Variants in ARHGAP26 observed in about 807,000 individuals in gnomAD.
ARHGAP26 encodes the protein Rho GTPase activating protein 26, also known as rho GTPase-activating protein 26.
ARHGAP26 carries 38 observed loss-of-function variants against 104.8 expected under a neutral mutation model. That is an observed-to-expected ratio of 0.36 (90% CI 0.28 to 0.48). ARHGAP26 has a LOEUF of 0.48. Ranked by LOEUF, ARHGAP26 falls within the 20% of genes least tolerant of loss-of-function variation. The pLI is 0.99. For missense variants in ARHGAP26, 704 were observed against 947.9 expected (o/e 0.74, Z 3.38); for synonymous variants, 341 against 340.0 (o/e 1.00, Z -0.03).
chr5:143,152,118 C>T (rs868279714), intron 20 of ARHGAP26, among the ~76,000 whole-genome samples: 20 of 152,094 alleles, frequency 1.3e-4, no homozygotes, highest in African/African-American at 4.3e-4. Context: ...GTATTTTTTT[C>T]GCGGTGAGAC....
chr5:143,014,584 C>T (rs1252403040), intron 12 of ARHGAP26, among the ~76,000 whole-genome samples: 4 of 152,238 alleles, frequency 2.6e-5, no homozygotes, highest in South Asian at 4.1e-4. Context: ...TTTGTGGTCT[C>T]TTGTGGGAGG....
In ARHGAP26 at chr5:142,873,395, G is replaced by T; in HGVS notation, c.155-5G>T. ...TCCTGATTTTTCCTGTCTTTTTCTT[G>T]CTAGATTTGTCTTCAGCGAAGCGGA... On this transcript the variant is annotated splice_polypyrimidine_tract_variant and splice_region_variant and intron_variant, in intron 1 of 22. Transcript: ENST00000645722. 6.3e-7 allele frequency: 1 copy of T among 1,590,082 alleles called. No homozygotes were observed. The highest frequency in any genetic ancestry group is 8.5e-7 in the Non-Finnish European group (1 of 1,172,890).
intron 18 of ARHGAP26, among the ~76,000 whole-genome samples, chr5:143,132,818 TG>T (rs879829983): frequency 6.7e-6 from 1 of 149,868 alleles, no homozygotes; most frequent in Non-Finnish European, 1.5e-5. Context: ...ATTGAATGAA[TG>T]AGCATCAGTA....
chr5:142,965,953 T>C (rs1471034938), intron 11 of ARHGAP26, among the ~76,000 whole-genome samples: 3 of 152,216 alleles, frequency 2.0e-5, no homozygotes, highest in Non-Finnish European at 4.4e-5. Context: ...TAGTTTAATC[T>C]TTAATAGCCG....
At chr5:142,956,881 T>C (rs1027178946) in intron 11 of ARHGAP26, among the ~76,000 whole-genome samples, 1 of 152,100 alleles carries the variant, frequency 6.6e-6, no homozygotes, top group Middle Eastern at 3.2e-3. Flanking sequence ...ACCCATCAGA[T>C]CTCATGAGAC....
intron 11 of ARHGAP26, among the ~76,000 whole-genome samples, chr5:142,948,344 T>C (rs1190699781): frequency 1.3e-5 from 2 of 152,052 alleles, no homozygotes; most frequent in Non-Finnish European, 2.9e-5. Context: ...TATATGAATA[T>C]GTGTGCATAT....
chr5:142,883,922 C>T (rs1211217088), intron 4 of ARHGAP26, among the ~76,000 whole-genome samples: 1 of 152,130 alleles, frequency 6.6e-6, no homozygotes, highest in African/African-American at 2.4e-5. Context: ...TTTCTGGTGC[C>T]TAAAGTAGAG....
chr5:143,150,292 G>A (rs754662241), intron 20 of ARHGAP26, among the ~76,000 whole-genome samples: 6 of 152,188 alleles, frequency 3.9e-5, no homozygotes, highest in Non-Finnish European at 7.3e-5. Flanking sequence ...GGGGTAAACC[G>A]GAATAAGAGG....
intron 17 of ARHGAP26, among the ~76,000 whole-genome samples, chr5:143,079,414 C>G (rs1313454659): frequency 6.6e-6 from 1 of 152,186 alleles, no homozygotes; most frequent in East Asian, 1.9e-4. Flanking sequence ...ATTCTTTGGT[C>G]TTTGTAGTCG....
At chr5:142,890,151 A>ATATATATATATAT (rs1554140735) in intron 5 of ARHGAP26, among the ~76,000 whole-genome samples, 2 of 32,426 alleles carry the variant, frequency 6.2e-5, no homozygotes, top group African/African-American at 1.2e-4. Flanking sequence ...AAAAAAAAAA[A>ATATATATATATAT]ATATATATAT....
At chr5:143,073,097 A>T (rs1678820835) in intron 17 of ARHGAP26, among the ~76,000 whole-genome samples, 2 of 152,230 alleles carry the variant, frequency 1.3e-5, no homozygotes, top group South Asian at 4.1e-4. Flanking sequence ...CTGAAACTTA[A>T]GGCAAACCTT....
intron 5 of ARHGAP26, among the ~76,000 whole-genome samples, chr5:142,887,162 G>A (rs74977124): frequency 1.8e-4 from 28 of 152,142 alleles, no homozygotes; most frequent in Admixed American, 1.7e-3. Flanking sequence ...CATTCTCTCC[G>A]TGGTCAAATA....
At chr5:142,883,570 G>T (rs17099651) in intron 4 of ARHGAP26, among the ~76,000 whole-genome samples, 23,172 of 152,234 alleles carry the variant, frequency 0.15, 3,480 homozygotes, top group East Asian at 0.41. Flanking sequence ...ATGTACCAGA[G>T]GAGTGGTATT....
In ARHGAP26 at chr5:143,147,453, G is replaced by T. The variant is rs575864711; in HGVS notation, c.1988+72G>T. ...CATTCCACCTAGAATTTGCTGTCTG[G>T]CTCCATCTGACTTTGGACCATTATC... On this transcript the variant is annotated intron_variant, in intron 20 of 22. Transcript: ENST00000645722. The T allele has an allele frequency of 7.2e-6, 11 of 1,527,414 alleles. No homozygotes were observed. The African/African-American group carries it at 1.4e-4, about 19-fold the overall frequency. The allele number at this position is 1,527,414 out of a possible 1,614,324, so 94.6% of individuals were successfully genotyped here. A position where few individuals can be genotyped will look rare whatever the true frequency, so the allele number is the denominator to read the frequency against.
intron 22 of ARHGAP26, chr5:143,216,624 G>C (rs1810388304): frequency 4.8e-6 from 1 of 210,022 alleles, no homozygotes; most frequent in South Asian, 7.2e-5. Context: ...GAGAGCAGGA[G>C]GAAAGTTTGG....
intron 20 of ARHGAP26, among the ~76,000 whole-genome samples, chr5:143,178,568 C>G (rs1207340849): frequency 5.9e-5 from 9 of 152,226 alleles, no homozygotes; most frequent in Admixed American, 5.9e-4. Context: ...CTGCCCTGCC[C>G]CTTGACTGGC....
intron 4 of ARHGAP26, among the ~76,000 whole-genome samples, chr5:142,882,826 C>T (rs1272560306): frequency 1.3e-5 from 2 of 152,058 alleles, no homozygotes; most frequent in East Asian, 1.9e-4. Context: ...AGAAGAAACC[C>T]GAGCAATTAT....
At chr5:143,157,646 T>C (rs1393394455) in intron 20 of ARHGAP26, among the ~76,000 whole-genome samples, 1 of 152,256 alleles carries the variant, frequency 6.6e-6, no homozygotes, top group Admixed American at 6.5e-5. Context: ...AATGCTATTC[T>C]AAATCGACAT....
chr5:142,806,096 TTTG>T (rs1597701902), intron 1 of ARHGAP26, among the ~76,000 whole-genome samples: 2 of 152,276 alleles, frequency 1.3e-5, no homozygotes, highest in Non-Finnish European at 2.9e-5. Context: ...ATGAAGACTT[TTTG>T]TTGTTGTTGT....
Sources: gnomAD v4.1 joint callset for allele counts (sites outside exome capture counted in the v4.1 genomes callset) on GRCh38, gnomAD v4.1.1 for gene constraint, MANE v1.5 for transcripts, NCBI Gene and HGNC (gene_info 2026-07-23, HGNC 2026-07-21) for gene names.